The following FBXO4 variants were observed in gnomAD, a reference collection of about 807,000 sequenced individuals.
FBXO4 encodes the protein F-box protein 4.
Under a neutral mutation model 43.7 loss-of-function variants are expected in FBXO4, and 36 were observed. The observed-to-expected ratio is 0.82, with a 90% confidence interval of 0.63 to 1.09. The LOEUF is 1.09. Among genes scored for constraint, FBXO4 ranks in the 50% least tolerant of loss-of-function variants. The probability of loss-of-function intolerance (pLI) is 0.00; values close to 1 mark genes in which losing one functional copy is unlikely to be tolerated. For missense variants in FBXO4, 435 were observed against 474.1 expected, an observed-to-expected ratio of 0.92 and a Z score of 0.77; for synonymous variants, 180 against 165.6, an observed-to-expected ratio of 1.09 and a Z score of -0.67.
At chr5:41,962,696 A>G in the FBXO4 span, among the ~76,000 whole-genome samples, 1 of 152,128 alleles carries the variant, frequency 6.6e-6, no homozygotes, top group Non-Finnish European at 1.5e-5. Context: ...CTGGGTGTGA[A>G]GTTCAAACAC....
chr5:42,036,429 C>A, the FBXO4 span, among the ~76,000 whole-genome samples: 1 of 152,090 alleles, frequency 6.6e-6, no homozygotes, highest in Non-Finnish European at 1.5e-5. Context: ...AGCACATAGA[C>A]CACATGACCT....
chr5:42,033,566 T>C, the FBXO4 span, among the ~76,000 whole-genome samples: 2,436 of 152,098 alleles, frequency 0.016, 122 homozygotes, highest in East Asian at 0.1. Context: ...CTCAACTGGC[T>C]CTGGTTTGTG....
the FBXO4 span, among the ~76,000 whole-genome samples, chr5:42,000,163 T>A: frequency 6.6e-6 from 1 of 152,246 alleles, no homozygotes. Context: ...ATTTCTTTTT[T>A]AAGGCTGAAT....
chr5:41,961,862 C>A, the FBXO4 span, among the ~76,000 whole-genome samples: 1 of 152,174 alleles, frequency 6.6e-6, no homozygotes, highest in African/African-American at 2.4e-5. Context: ...GCCAGTGTCC[C>A]CTATGGAGCT....
At chr5:41,925,732 G>T (rs987936033) in intron 1 of FBXO4, among the ~76,000 whole-genome samples, 1 of 151,910 alleles carries the variant, frequency 6.6e-6, no homozygotes, top group Admixed American at 6.6e-5. Context: ...GCACCTTCAT[G>T]GGGCCCCTGG....
chr5:41,955,756 G>C, the FBXO4 span, among the ~76,000 whole-genome samples: 2 of 152,102 alleles, frequency 1.3e-5, no homozygotes, highest in African/African-American at 4.8e-5. Flanking sequence ...GCATGAGTAG[G>C]AGAAAACTAC....
chr5:41,926,551 C>T (rs1231442395), intron 1 of FBXO4, among the ~76,000 whole-genome samples: 2 of 152,130 alleles, frequency 1.3e-5, no homozygotes, highest in East Asian at 1.9e-4. Context: ...CCAGCCTGGG[C>T]GACAGAGCGA....
At chr5:41,953,232 T>C in the FBXO4 span, among the ~76,000 whole-genome samples, 4 of 151,008 alleles carry the variant, frequency 2.6e-5, no homozygotes, top group East Asian at 5.8e-4. Flanking sequence ...CATCTATGAG[T>C]GAGAACATGT....
chr5:41,988,969 T>G, the FBXO4 span, among the ~76,000 whole-genome samples: 1 of 152,224 alleles, frequency 6.6e-6, no homozygotes, highest in African/African-American at 2.4e-5. Context: ...CAGAATTCAC[T>G]TTCCTTCTAA....
At chr5:41,951,104 G>T in the FBXO4 span, among the ~76,000 whole-genome samples, 1 of 152,084 alleles carries the variant, frequency 6.6e-6, no homozygotes, top group South Asian at 2.1e-4. Flanking sequence ...GGAGAAATAC[G>T]TAATGTAGAT....
At chr5:41,949,728 T>G in the FBXO4 span, among the ~76,000 whole-genome samples, 1 of 152,062 alleles carries the variant, frequency 6.6e-6, no homozygotes, top group Admixed American at 6.6e-5. Flanking sequence ...AAAGTTCATA[T>G]GGAATCAAAA....
the FBXO4 span, among the ~76,000 whole-genome samples, chr5:41,982,077 G>A: frequency 1.3e-5 from 2 of 152,078 alleles, no homozygotes; most frequent in Non-Finnish European, 2.9e-5. Flanking sequence ...AAGGACATGA[G>A]CTCATCATTT....
the FBXO4 span, among the ~76,000 whole-genome samples, chr5:41,946,807 T>C: frequency 1.3e-5 from 2 of 152,168 alleles, no homozygotes; most frequent in Admixed American, 1.3e-4. Context: ...GAAGGTTCAA[T>C]AGAAGACCCC....
chr5:41,976,156 C>A, the FBXO4 span, among the ~76,000 whole-genome samples: 1 of 152,310 alleles, frequency 6.6e-6, no homozygotes, highest in African/African-American at 2.4e-5. Flanking sequence ...CCAGGCCCCA[C>A]GTCCAACTTT....
chr5:41,982,957 G>A, the FBXO4 span, among the ~76,000 whole-genome samples: 1 of 152,096 alleles, frequency 6.6e-6, no homozygotes, highest in African/African-American at 2.4e-5. Flanking sequence ...TTATAAGTGA[G>A]AACATGTGGT....
At chr5:41,993,997 A>G in the FBXO4 span, among the ~76,000 whole-genome samples, 1 of 152,164 alleles carries the variant, frequency 6.6e-6, no homozygotes, top group Non-Finnish European at 1.5e-5. Flanking sequence ...ACCCAGGATC[A>G]GTATTTTGTA....
chr5:42,003,603 T>C, the FBXO4 span, among the ~76,000 whole-genome samples: 14 of 152,242 alleles, frequency 9.2e-5, no homozygotes, highest in East Asian at 2.5e-3. Context: ...ATGTGCCATG[T>C]TGGTGTGGTG....
At chr5:41,971,871 CA>C in the FBXO4 span, among the ~76,000 whole-genome samples, 1 of 151,932 alleles carries the variant, frequency 6.6e-6, no homozygotes, top group Non-Finnish European at 1.5e-5. Flanking sequence ...TATGTATTTT[CA>C]AAAACATGCA....
the FBXO4 span, among the ~76,000 whole-genome samples, chr5:41,948,983 G>A: frequency 6.6e-6 from 1 of 152,038 alleles, no homozygotes; most frequent in African/African-American, 2.4e-5. Context: ...TCTCAATAGA[G>A]GCAGAAAAAG....
Sources: gnomAD v4.1 joint callset for allele counts (sites outside exome capture counted in the v4.1 genomes callset) on GRCh38, gnomAD v4.1.1 for gene constraint, MANE v1.5 for transcripts, NCBI Gene and HGNC (gene_info 2026-07-23, HGNC 2026-07-21) for gene names.